Variants in NDST3 observed in about 807,000 individuals in gnomAD.
The protein encoded by NDST3 is N-deacetylase and N-sulfotransferase 3.
A neutral mutation model predicts 96.1 loss-of-function variants in NDST3; 58 were observed. The ratio of observed to expected loss-of-function variants is 0.60; its 90% CI spans 0.49 to 0.75. The LOEUF is 0.75. Among genes scored for constraint, NDST3 ranks in the 30% least tolerant of loss-of-function variants. NDST3 has a pLI of 0.00. For synonymous variants in NDST3, 333 were observed against 359.7 expected, an observed-to-expected ratio of 0.93 and a Z score of 0.84; for missense variants, 788 against 1,034.2, an observed-to-expected ratio of 0.76 and a Z score of 3.27.
intron 1 of NDST3, among the ~76,000 whole-genome samples, chr4:118,035,845 T>C (rs1724121944): frequency 6.6e-6 from 1 of 152,074 alleles, no homozygotes; most frequent in African/African-American, 2.4e-5. Flanking sequence ...ATTTTCTTCA[T>C]AGTCTTTAAA....
chr4:118,249,869 C>G (rs1388644857), intron 12 of NDST3, among the ~76,000 whole-genome samples: 1 of 152,012 alleles, frequency 6.6e-6, no homozygotes, highest in South Asian at 2.1e-4. Flanking sequence ...GTTGTACGTA[C>G]CACCAGAATC....
intron 2 of NDST3, among the ~76,000 whole-genome samples, chr4:118,081,597 AG>A (rs1728024333): frequency 6.6e-6 from 1 of 152,166 alleles, no homozygotes; most frequent in African/African-American, 2.4e-5. Context: ...CAGACTTAGC[AG>A]CATCCAGAGG....
intron 6 of NDST3, among the ~76,000 whole-genome samples, chr4:118,175,200 TCTGC>T (rs1234612950): frequency 6.6e-6 from 1 of 152,102 alleles, no homozygotes; most frequent in African/African-American, 2.4e-5. Flanking sequence ...ACAGAATCTT[TCTGC>T]CTTTTTCACT....
intron 6 of NDST3, among the ~76,000 whole-genome samples, chr4:118,150,301 A>G (rs1456018840): frequency 1.3e-5 from 2 of 152,200 alleles, no homozygotes; most frequent in African/African-American, 4.8e-5. Context: ...AAACCTAGGC[A>G]TTACCATTCA....
chr4:118,046,845 C>T (rs1399863425), intron 1 of NDST3, among the ~76,000 whole-genome samples: 1 of 152,140 alleles, frequency 6.6e-6, no homozygotes, highest in Non-Finnish European at 1.5e-5. Flanking sequence ...GGCATGCCTC[C>T]CTCCACAGGA....
intron 6 of NDST3, among the ~76,000 whole-genome samples, chr4:118,202,026 C>T (rs10014055): frequency 0.17 from 25,775 of 152,110 alleles, 2,335 homozygotes; most frequent in South Asian, 0.23. Context: ...ATCTCAGCAA[C>T]ATTTATTGAA....
intron 4 of NDST3, among the ~76,000 whole-genome samples, chr4:118,135,919 G>A (rs1733048328): frequency 6.6e-6 from 1 of 152,056 alleles, no homozygotes; most frequent in African/African-American, 2.4e-5. Context: ...AGTTTTTAGT[G>A]TTAAAGCTAG....
At chr4:118,189,796 T>A (rs2125963347) in intron 6 of NDST3, among the ~76,000 whole-genome samples, 1 of 152,274 alleles carries the variant, frequency 6.6e-6, no homozygotes, top group African/African-American at 2.4e-5. Flanking sequence ...ATTGAAATTT[T>A]CCTCAAAAGA....
At chr4:118,063,951 G>A (rs927363258) in intron 2 of NDST3, among the ~76,000 whole-genome samples, 1 of 152,114 alleles carries the variant, frequency 6.6e-6, no homozygotes, top group Non-Finnish European at 1.5e-5. Context: ...CCACCTTATG[G>A]TAAATTACAT....
chr4:118,193,766 G>A lies in NDST3; in HGVS notation c.1540-30725G>A. Reference sequence around the variant, plus strand: ...TTCCAGGGCCTTGTTACAGCTTTCAGTGGCAGCAGAGAAGGCCTGTAGTTT... The same window carrying A: ...TTCCAGGGCCTTGTTACAGCTTTCAATGGCAGCAGAGAAGGCCTGTAGTTT... On this transcript the variant is annotated intron_variant, in intron 6 of 13. Coordinates refer to ENST00000296499, the MANE Select transcript of NDST3 (RefSeq NM_004784.3). 2.7e-6 allele frequency: 4 copies of A among 1,485,502 alleles called. 2 individuals carry two copies. The highest frequency in any genetic ancestry group is 2.4e-5 in the South Asian group (2 of 84,546). 92.0% of individuals were successfully genotyped at this position (1,485,502 alleles called of 1,614,324 possible).
At chr4:118,147,526 G>A (rs1330722168) in intron 6 of NDST3, among the ~76,000 whole-genome samples, 1 of 152,086 alleles carries the variant, frequency 6.6e-6, no homozygotes, top group East Asian at 1.9e-4. Context: ...AATGCAGAAG[G>A]GTACTAAGAA....
intron 6 of NDST3, among the ~76,000 whole-genome samples, chr4:118,221,567 T>C (rs777547997): frequency 2.0e-5 from 3 of 151,976 alleles, no homozygotes; most frequent in Admixed American, 6.6e-5. Flanking sequence ...TAGAGCTTAG[T>C]GGATTCACAG....
At chr4:118,035,137 T>C (rs985827103) in intron 1 of NDST3, among the ~76,000 whole-genome samples, 11 of 152,162 alleles carry the variant, frequency 7.2e-5, no homozygotes, top group Non-Finnish European at 1.5e-4. Context: ...TATATCCATT[T>C]TGTGGGGGCA....
intron 4 of NDST3, among the ~76,000 whole-genome samples, chr4:118,119,738 A>G (rs1731394437): frequency 1.3e-5 from 2 of 152,208 alleles, no homozygotes; most frequent in South Asian, 4.1e-4. Flanking sequence ...AGTTATTACA[A>G]TATTGAAATG....
intron 1 of NDST3, among the ~76,000 whole-genome samples, chr4:118,048,598 A>T (rs998182934): frequency 6.6e-5 from 10 of 152,156 alleles, no homozygotes; most frequent in African/African-American, 2.4e-4. Flanking sequence ...GATAAAACAA[A>T]CTTCAAACCA....
intron 1 of NDST3, among the ~76,000 whole-genome samples, chr4:118,038,919 T>A (rs573768777): frequency 6.6e-6 from 1 of 152,326 alleles, no homozygotes; most frequent in African/African-American, 2.4e-5. Context: ...TGGGTGTTAG[T>A]GGAAGAGAAA....
At chr4:118,127,283 G>C (rs1050024126) in intron 4 of NDST3, among the ~76,000 whole-genome samples, 2 of 152,018 alleles carry the variant, frequency 1.3e-5, no homozygotes, top group Non-Finnish European at 2.9e-5. Flanking sequence ...CAATGTCTTG[G>C]AGAGTTTCCC....
rs1486305395 is a variant in NDST3, at chr4:118,056,684, C to A, written c.981+1793C>A. Among the ~76,000 whole-genome samples the A allele has an allele frequency of 2.0e-5, 3 of 151,880 alleles. No individual in the cohort carries two copies. In the Admixed American group the frequency reaches 2.0e-4, roughly 10 times the overall value. On this transcript the variant is annotated intron_variant, in intron 2 of 13. Coordinates refer to ENST00000296499, the MANE Select transcript of NDST3 (RefSeq NM_004784.3). ...TACAGATAGAATCTTGAACTGTAGTCCATTCCAGAGAAGAGGGGCAGGGGA... is the reference window on the plus strand; with the variant it reads ...TACAGATAGAATCTTGAACTGTAGTACATTCCAGAGAAGAGGGGCAGGGGA...
chr4:118,181,895 C>A (rs1736631578), intron 6 of NDST3, among the ~76,000 whole-genome samples: 1 of 152,004 alleles, frequency 6.6e-6, no homozygotes, highest in Non-Finnish European at 1.5e-5. Context: ...ATAAAATAAA[C>A]CAAAATTTTA....
Sources: allele counts gnomAD v4.1 joint callset (sites outside exome capture counted in the v4.1 genomes callset), GRCh38; gene constraint gnomAD v4.1.1; transcripts MANE v1.5; gene names NCBI Gene and HGNC (gene_info 2026-07-23, HGNC 2026-07-21).